Variants in RAD51B observed in about 807,000 individuals in gnomAD.
RAD51B encodes the protein DNA repair protein RAD51 homolog 2.
In RAD51B, 38 loss-of-function variants were observed where a neutral mutation model predicts 42.2. The ratio of observed to expected loss-of-function variants is 0.90; its 90% CI spans 0.70 to 1.18. RAD51B has a LOEUF of 1.18. RAD51B is among the 50% of genes most tolerant of loss of function. The pLI is 0.00. For missense variants in RAD51B, 373 were observed against 400.7 expected, an observed-to-expected ratio of 0.93 and a Z score of 0.59; for synonymous variants, 154 against 145.2, an observed-to-expected ratio of 1.06 and a Z score of -0.43.
intron 10 of RAD51B, among the ~76,000 whole-genome samples, chr14:68,556,158 A>G (rs28492919): frequency 0.22 from 33,253 of 152,118 alleles, 4,021 homozygotes; most frequent in Middle Eastern, 0.37. Context: ...AGTACCTACT[A>G]TATTCTGGAC....
intron 10 of RAD51B, among the ~76,000 whole-genome samples, chr14:68,628,130 G>A (rs1892133615): frequency 6.6e-6 from 1 of 152,172 alleles, no homozygotes; most frequent in South Asian, 2.1e-4. Flanking sequence ...AAATGTCTTG[G>A]TTTTTACATG....
At chr14:67,987,803 T>C (rs1300954657) in intron 7 of RAD51B, among the ~76,000 whole-genome samples, 1 of 152,174 alleles carries the variant, frequency 6.6e-6, no homozygotes, top group Non-Finnish European at 1.5e-5. Flanking sequence ...ACATTCACCA[T>C]ATTGTGGTTT....
chr14:68,615,431 T>C (rs1463845961), downstream of RAD51B, among the ~76,000 whole-genome samples: 3 of 151,946 alleles, frequency 2.0e-5, no homozygotes, highest in Non-Finnish European at 4.4e-5. Flanking sequence ...CTGCAAGCTC[T>C]GCCTCCCGGG....
intron 7 of RAD51B, among the ~76,000 whole-genome samples, chr14:68,126,891 A>G (rs369030252): frequency 1.1e-4 from 17 of 152,348 alleles, no homozygotes; most frequent in African/African-American, 3.8e-4. Context: ...CAGTTTCTCA[A>G]TAAAGACTTT....
chr14:67,954,708 G>A (rs758053269), intron 7 of RAD51B, among the ~76,000 whole-genome samples: 2 of 152,162 alleles, frequency 1.3e-5, no homozygotes, highest in Non-Finnish European at 2.9e-5. Context: ...GGATAGAGAT[G>A]AAATGTTAGC....
intron 7 of RAD51B, among the ~76,000 whole-genome samples, chr14:68,132,589 T>C (rs920418985): frequency 3.3e-5 from 5 of 152,092 alleles, no homozygotes; most frequent in African/African-American, 1.2e-4. Context: ...TGGAAAGATA[T>C]TAGGAATGTC....
chr14:68,364,568 C>T (rs1050250549), intron 8 of RAD51B, among the ~76,000 whole-genome samples: 3 of 152,148 alleles, frequency 2.0e-5, no homozygotes, highest in African/African-American at 7.2e-5. Context: ...TTTGCAGTGA[C>T]ACATACTGCA....
intron 7 of RAD51B, among the ~76,000 whole-genome samples, chr14:68,169,140 T>A (rs2140850498): frequency 6.6e-6 from 1 of 152,320 alleles, no homozygotes; most frequent in African/African-American, 2.4e-5. Flanking sequence ...GTAAGCTCAA[T>A]GAATTTTGGT....
chr14:68,493,816 G>GCCTCT, intron 10 of RAD51B, among the ~76,000 whole-genome samples: 1 of 152,214 alleles, frequency 6.6e-6, no homozygotes, highest in Non-Finnish European at 1.5e-5. Flanking sequence ...AAAGGCAATT[G>GCCTCT]ATGAACTATA....
chr14:68,506,139 A>G (rs1386777412), intron 10 of RAD51B, among the ~76,000 whole-genome samples: 1 of 152,160 alleles, frequency 6.6e-6, no homozygotes, highest in Non-Finnish European at 1.5e-5. Flanking sequence ...GAACAGTTGT[A>G]GTAATAAGAG....
At chr14:68,347,829 C>T (rs956609184) in intron 8 of RAD51B, among the ~76,000 whole-genome samples, 19 of 152,160 alleles carry the variant, frequency 1.2e-4, no homozygotes, top group African/African-American at 3.6e-4. Context: ...GCTTGGGAAT[C>T]CAAGGCAGAA....
intron 7 of RAD51B, among the ~76,000 whole-genome samples, chr14:68,072,223 T>TATATATATAA (rs1176935059): frequency 6.9e-6 from 1 of 144,544 alleles, no homozygotes; most frequent in Non-Finnish European, 1.5e-5. Flanking sequence ...TATATATATA[T>TATATATATAA]AAAATAAACT....
At chr14:68,410,536 A>T (rs936454049) in intron 8 of RAD51B, among the ~76,000 whole-genome samples, 2 of 152,150 alleles carry the variant, frequency 1.3e-5, no homozygotes, top group African/African-American at 4.8e-5. Context: ...GCCTAGGGCC[A>T]AAGTTGGTTC....
chr14:68,161,968 A>G (rs867839376), intron 7 of RAD51B, among the ~76,000 whole-genome samples: 1 of 152,224 alleles, frequency 6.6e-6, no homozygotes, highest in South Asian at 2.1e-4. Context: ...TACTGTATAG[A>G]GGCTAGGATG....
At chr14:68,522,094 T>A (rs903823621) in intron 10 of RAD51B, among the ~76,000 whole-genome samples, 2 of 152,150 alleles carry the variant, frequency 1.3e-5, no homozygotes, top group African/African-American at 2.4e-5. Flanking sequence ...TTGCTCCCAG[T>A]CCACACTCAG....
At chr14:68,633,572 C>G (rs1315685218) in intron 10 of RAD51B, among the ~76,000 whole-genome samples, 1 of 152,170 alleles carries the variant, frequency 6.6e-6, no homozygotes, top group Non-Finnish European at 1.5e-5. Context: ...GCTCTAGTCC[C>G]TGGGGGAAGT....
chr14:68,082,493 T>TATG (rs1555352660), intron 7 of RAD51B, among the ~76,000 whole-genome samples: 15 of 151,146 alleles, frequency 9.9e-5, no homozygotes, highest in African/African-American at 3.2e-4. Flanking sequence ...ATATATGTAT[T>TATG]TATGTATGTA....
intron 7 of RAD51B, among the ~76,000 whole-genome samples, chr14:68,053,470 G>C (rs35226068): frequency 6.6e-6 from 1 of 152,298 alleles, no homozygotes; most frequent in East Asian, 1.9e-4. Flanking sequence ...TTTTGGTTGT[G>C]AGAATGTCAG....
chr14:68,305,258 C>T (rs1380632132), intron 8 of RAD51B, among the ~76,000 whole-genome samples: 1 of 152,192 alleles, frequency 6.6e-6, no homozygotes, highest in Admixed American at 6.5e-5. Context: ...TTCAATTGTT[C>T]ATTCATTTAC....
Sources: gnomAD v4.1 joint callset for allele counts (sites outside exome capture counted in the v4.1 genomes callset) on GRCh38, gnomAD v4.1.1 for gene constraint, MANE v1.5 for transcripts, NCBI Gene and HGNC (gene_info 2026-07-23, HGNC 2026-07-21) for gene names.